Variants in ZC3H18 observed in about 807,000 individuals in gnomAD.
ZC3H18 encodes zinc finger CCCH domain-containing protein 18.
Under a neutral mutation model 106.1 loss-of-function variants are expected in ZC3H18, and 8 were observed. That is an observed-to-expected ratio of 0.08 (90% confidence interval 0.04 to 0.14). The LOEUF is 0.14. Among genes scored for constraint, ZC3H18 ranks in the 10% least tolerant of loss-of-function variants. The probability of loss-of-function intolerance (pLI) is 1.00; values close to 1 mark genes in which losing one functional copy is unlikely to be tolerated. For missense variants in ZC3H18, 1,318 were observed against 1,278.4 expected (o/e 1.03, Z -0.47); for synonymous variants, 635 against 522.1 (o/e 1.22, Z -2.95).
At chr16:88,587,630 A>G in intron 3 of ZC3H18, 11 of 1,531,048 alleles carry the variant, frequency 7.2e-6, no homozygotes, top group Non-Finnish European at 9.6e-6. Context: ...AATACGCTAT[A>G]TTCACTCTCT....
At chr16:88,584,190 G>A (rs2142571124) in intron 2 of ZC3H18, among the ~76,000 whole-genome samples, 1 of 152,304 alleles carries the variant, frequency 6.6e-6, no homozygotes, top group South Asian at 2.1e-4. Flanking sequence ...GGGAGGCCAA[G>A]GCGGGCAGAT....
intron 6 of ZC3H18, among the ~76,000 whole-genome samples, chr16:88,602,483 G>C (rs962330480): frequency 2.0e-5 from 3 of 152,228 alleles, no homozygotes; most frequent in Non-Finnish European, 4.4e-5. Context: ...CAGCATGTGA[G>C]AGGTCAGATT....
chr16:88,626,698 T>C (rs1906330597), intron 13 of ZC3H18: 1 of 130,216 alleles, frequency 7.7e-6, no homozygotes, highest in South Asian at 2.5e-4. Flanking sequence ...ACCTGACTTT[T>C]GAAAAAAAAA....
At chr16:88,592,394 G>T (rs185414717) in intron 3 of ZC3H18, among the ~76,000 whole-genome samples, 55 of 152,300 alleles carry the variant, frequency 3.6e-4, no homozygotes, top group African/African-American at 1.2e-3. Flanking sequence ...AGTGTCATCT[G>T]TGAACCCCTG....
At chr16:88,582,022 C>G (rs1403725087) in intron 2 of ZC3H18, among the ~76,000 whole-genome samples, 2 of 152,188 alleles carry the variant, frequency 1.3e-5, no homozygotes, top group African/African-American at 2.4e-5. Flanking sequence ...TTGTTCCATT[C>G]TCCTCTTATT....
Position 88,620,585 on chromosome 16 carries a change from GAAAAAAAA to G in ZC3H18, c.1476-1604_1476-1597del, listed in dbSNP as rs577883900. Among the ~76,000 whole-genome samples, 152 of 102,454 alleles carry G rather than the reference GAAAAAAAA, an allele frequency of 1.5e-3. 1 individual carries two copies. Among genetic ancestry groups the G allele is most frequent in the African/African-American group, 5.3e-3 (144 of 27,004 alleles). The allele number at this position is 102,454 out of a possible 152,430, so 67.2% of individuals were successfully genotyped here. A position where few individuals can be genotyped will look rare whatever the true frequency, so the allele number is the denominator to read the frequency against. On this transcript the variant is annotated intron_variant, in intron 8 of 17. Coordinates refer to ENST00000301011, the MANE Select transcript of ZC3H18 (RefSeq NM_144604.4). Reference sequence around the variant, plus strand: ...AGAGCAAGACCCTGTCTCTAAAAAAGAAAAAAAAAAAAAAAGCCACGTTCTGCTTATAC... The same window carrying G: ...AGAGCAAGACCCTGTCTCTAAAAAAGAAAAAAAGCCACGTTCTGCTTATAC...
chr16:88,615,046 C>G (rs1429092913), intron 8 of ZC3H18, among the ~76,000 whole-genome samples: 1 of 151,286 alleles, frequency 6.6e-6, no homozygotes, highest in Non-Finnish European at 1.5e-5. Context: ...CCCACCTGCT[C>G]CGTTCCCTCT....
At chr16:88,596,593 T>C (rs1904450839) in intron 3 of ZC3H18, among the ~76,000 whole-genome samples, 1 of 152,046 alleles carries the variant, frequency 6.6e-6, no homozygotes, top group Admixed American at 6.6e-5. Flanking sequence ...TGAGCCGAGA[T>C]TGCATCATTG....
At chr16:88,624,486 C>T (rs1472090545) in intron 11 of ZC3H18, 116 bp from the exon 12 acceptor site, 9 of 1,504,478 alleles carry the variant, frequency 6.0e-6, no homozygotes, top group South Asian at 5.9e-5. Flanking sequence ...GCGTGCTCAC[C>T]GAGCGTCACA....
chr16:88,587,425 G>A, intron 3 of ZC3H18: 2 of 797,108 alleles, frequency 2.5e-6, no homozygotes, highest in Non-Finnish European at 4.0e-6. Context: ...CCTTGGAAAG[G>A]TAGGAAGGTG....
intron 1 of ZC3H18, among the ~76,000 whole-genome samples, chr16:88,573,255 T>C (rs1914522037): frequency 6.6e-6 from 1 of 152,054 alleles, no homozygotes; most frequent in African/African-American, 2.4e-5. Flanking sequence ...GCTGGGGAGA[T>C]GTGAACTACC....
Position 88,591,716 on chromosome 16 carries a change from C to G in ZC3H18, c.688+5032C>G, listed in dbSNP as rs539006979. 3.3e-5 allele frequency among the ~76,000 whole-genome samples: 5 copies of G among 152,388 alleles called. No homozygotes were observed. In the East Asian group the frequency reaches 9.6e-4, roughly 29 times the overall value. ...CTGCTGTGAACGTGGGCGTAAAAAT[C>G]TCTTCAGACCCTGCTTTCAGCTCTT... On this transcript the variant is annotated intron_variant, in intron 3 of 17. Transcript: ENST00000301011.
intron 2 of ZC3H18, among the ~76,000 whole-genome samples, chr16:88,580,211 T>TG (rs1915039359): frequency 2.1e-4 from 4 of 19,066 alleles, no homozygotes; most frequent in Non-Finnish European, 5.8e-4. Context: ...TGTGTGTGTA[T>TG]ATGTATATGT....
intron 3 of ZC3H18, among the ~76,000 whole-genome samples, chr16:88,593,115 T>G (rs1253467370): frequency 6.6e-6 from 1 of 152,224 alleles, no homozygotes; most frequent in Admixed American, 6.5e-5. Flanking sequence ...GAGCTCACTT[T>G]ACTGCACTCA....
At position 88,624,750 on chromosome 16, in the gene ZC3H18, G is replaced by A; in HGVS notation, c.2042+5G>A. The stretch of plus-strand genomic sequence containing the variant: ...AGCCAGGACCCCCCCCAGGAGGTGA[G>A]CACTCCGGCGTCCGGGGCCCTCAGG... On this transcript the variant is annotated splice_donor_5th_base_variant and intron_variant, in intron 12 of 17. Transcript: ENST00000301011. The A allele has an allele frequency of 6.2e-7, 1 of 1,609,346 alleles. No individual in the cohort carries two copies. Among genetic ancestry groups the A allele is most frequent in the South Asian group, 1.1e-5 (1 of 90,746 alleles).
At position 88,631,656 on chromosome 16, in the gene ZC3H18, G is replaced by T; in HGVS notation, c.*357G>T. 2 of 472,186 alleles carry T rather than the reference G, an allele frequency of 4.2e-6. No individual in the cohort carries two copies. The highest frequency in any genetic ancestry group is 8.4e-6 in the Non-Finnish European group (2 of 238,078). 29.2% of individuals were successfully genotyped at this position (472,186 alleles called of 1,614,324 possible). The stretch of plus-strand genomic sequence containing the variant: ...AGCCCCAGCTCTGGGTCCCTAGCCC[G>T]GGTCCAGGCAGCCAGGCTCCCTCCT... On this transcript the variant is annotated 3_prime_UTR_variant, in exon 18 of 18. Transcript: ENST00000301011.
chr16:88,587,662 A>C (rs1405577459), intron 3 of ZC3H18: 4 of 1,480,138 alleles, frequency 2.7e-6, no homozygotes, highest in South Asian at 1.2e-5. Context: ...AAGTCCCCCT[A>C]CTCCAGAGGC....
chr16:88,587,791 C>T (rs983808812), intron 3 of ZC3H18, among the ~76,000 whole-genome samples: 9 of 152,166 alleles, frequency 5.9e-5, no homozygotes, highest in East Asian at 1.9e-4. Flanking sequence ...AGTCGAGCAT[C>T]GGGGACAGGC....
chr16:88,629,660 C>T (rs985722315), intron 16 of ZC3H18, among the ~76,000 whole-genome samples: 3 of 152,186 alleles, frequency 2.0e-5, no homozygotes, highest in Admixed American at 6.5e-5. Flanking sequence ...CAGATAGTGT[C>T]TATATTACTG....
Sources: allele counts gnomAD v4.1 joint callset (sites outside exome capture counted in the v4.1 genomes callset), GRCh38; gene constraint gnomAD v4.1.1; transcripts MANE v1.5; gene names NCBI Gene and HGNC (gene_info 2026-07-23, HGNC 2026-07-21).